MACROD2: variants seen among roughly 807,000 people sequenced by gnomAD.
MACROD2 encodes the protein mono-ADP ribosylhydrolase 2, also known as ADP-ribose glycohydrolase MACROD2.
MACROD2 carries 36 observed loss-of-function variants against 70.4 expected under a neutral mutation model. The ratio of observed to expected loss-of-function variants is 0.51; its 90% CI spans 0.39 to 0.68. The LOEUF is 0.68. MACROD2 is among the 30% of genes least tolerant of loss of function. The probability of loss-of-function intolerance (pLI) is 0.00; values close to 1 mark genes in which losing one functional copy is unlikely to be tolerated. For missense variants in MACROD2, 496 were observed against 538.4 expected (o/e 0.92, Z 0.78); for synonymous variants, 172 against 178.8 (o/e 0.96, Z 0.30).
chr20:15,469,578 AG>A (rs1285416136), intron 7 of MACROD2, among the ~76,000 whole-genome samples: 2 of 152,068 alleles, frequency 1.3e-5, no homozygotes, highest in Non-Finnish European at 2.9e-5. Context: ...GAAGCAGAGG[AG>A]GGGGAGAGAA....
At chr20:15,398,720 C>T (rs916075324) in intron 6 of MACROD2, among the ~76,000 whole-genome samples, 2 of 152,176 alleles carry the variant, frequency 1.3e-5, no homozygotes, top group Non-Finnish European at 2.9e-5. Flanking sequence ...GTTGTGGCTT[C>T]ATGGGGACAG....
intron 3 of MACROD2, among the ~76,000 whole-genome samples, chr20:14,368,801 G>C (rs1459332058): frequency 1.3e-5 from 2 of 152,020 alleles, no homozygotes; most frequent in Admixed American, 6.5e-5. Context: ...AGGCAACAGA[G>C]AAGAAACAAA....
At chr20:16,014,591 A>C (rs1346722885) in intron 15 of MACROD2, among the ~76,000 whole-genome samples, 1 of 152,198 alleles carries the variant, frequency 6.6e-6, no homozygotes, top group African/African-American at 2.4e-5. Flanking sequence ...TCTGATCACC[A>C]TCTGGGTTCA....
intron 7 of MACROD2, among the ~76,000 whole-genome samples, chr20:15,493,978 A>G (rs964219706): frequency 6.6e-5 from 10 of 152,244 alleles, no homozygotes; most frequent in Admixed American, 2.6e-4. Flanking sequence ...TTTTATTTAA[A>G]TTGTCTTGAT....
At chr20:14,568,503 G>T (rs1979957413) in intron 4 of MACROD2, among the ~76,000 whole-genome samples, 1 of 151,976 alleles carries the variant, frequency 6.6e-6, no homozygotes, top group South Asian at 2.1e-4. Flanking sequence ...TTGTGGTTTA[G>T]GGAGCAAGTG....
intron 3 of MACROD2, among the ~76,000 whole-genome samples, chr20:14,318,499 A>G (rs1467788784): frequency 6.6e-6 from 1 of 152,230 alleles, no homozygotes; most frequent in African/African-American, 2.4e-5. Flanking sequence ...CTGGAATCTT[A>G]TGATACTTGT....
intron 6 of MACROD2, among the ~76,000 whole-genome samples, chr20:15,260,183 G>A (rs1471782878): frequency 6.6e-6 from 1 of 151,374 alleles, no homozygotes. Context: ...TACAAATAAT[G>A]ATTGTTAATC....
Position 15,448,303 on chromosome 20 carries a change from A to G in MACROD2, c.571+16868A>G, listed in dbSNP as rs995303475. Among the ~76,000 whole-genome samples, 8 of 152,210 alleles carry G rather than the reference A, an allele frequency of 5.3e-5. No individual in the cohort carries two copies. The East Asian group carries it at 1.5e-3, about 29-fold the overall frequency. On this transcript the variant is annotated intron_variant, in intron 7 of 17. Transcript: ENST00000684519. ...TCTGCTGTTTGCATCCTCAGCCTGC[A>G]GAACTCTTACTGCCCATCTTCAGCT...
intron 5 of MACROD2, among the ~76,000 whole-genome samples, chr20:15,037,343 C>CT (rs1405802043): frequency 2.0e-4 from 31 of 152,282 alleles, no homozygotes; most frequent in Non-Finnish European, 1.3e-4. Context: ...AAAAGCCATA[C>CT]TTTTTTAAAT....
At chr20:14,568,754 T>C (rs1979974595) in intron 4 of MACROD2, among the ~76,000 whole-genome samples, 1 of 152,066 alleles carries the variant, frequency 6.6e-6, no homozygotes, top group Non-Finnish European at 1.5e-5. Flanking sequence ...GGAAATATTA[T>C]GCTTTGAAAA....
At chr20:14,130,160 T>C (rs886205713) in intron 3 of MACROD2, among the ~76,000 whole-genome samples, 2 of 152,338 alleles carry the variant, frequency 1.3e-5, no homozygotes, top group Non-Finnish European at 2.9e-5. Context: ...TACATTTTTA[T>C]GAATGGCTCT....
chr20:15,529,626 G>GA (rs150366478), intron 8 of MACROD2, among the ~76,000 whole-genome samples: 4 of 150,254 alleles, frequency 2.7e-5, no homozygotes, highest in East Asian at 1.9e-4. Context: ...TAAGTGAATT[G>GA]AAAAAAAAAT....
intron 5 of MACROD2, among the ~76,000 whole-genome samples, chr20:15,071,981 G>A (rs2075622502): frequency 6.6e-6 from 1 of 151,972 alleles, no homozygotes; most frequent in Non-Finnish European, 1.5e-5. Context: ...TTTTAAGGGG[G>A]AAATGTGTTT....
At chr20:14,230,669 CTATATATATATATATATA>C (rs71190120) in intron 3 of MACROD2, among the ~76,000 whole-genome samples, 2,114 of 92,910 alleles carry the variant, frequency 0.023, 219 homozygotes, top group South Asian at 0.061. Context: ...CAGGCTGGGC[CTATATATATATATATATA>C]TATATATATA....
chr20:16,036,360 C>A (rs2067236436), intron 15 of MACROD2, among the ~76,000 whole-genome samples: 1 of 151,862 alleles, frequency 6.6e-6, no homozygotes, highest in Non-Finnish European at 1.5e-5. Flanking sequence ...AGTATCTTTT[C>A]TTCTATGATG....
chr20:15,180,526 AG>A (rs1352267693), intron 5 of MACROD2, among the ~76,000 whole-genome samples: 2 of 152,344 alleles, frequency 1.3e-5, no homozygotes, highest in African/African-American at 4.8e-5. Context: ...GTTAGCCTGG[AG>A]GAATTTCTAG....
chr20:14,833,543 C>T (rs1156630616), intron 5 of MACROD2, among the ~76,000 whole-genome samples: 11 of 152,054 alleles, frequency 7.2e-5, no homozygotes, highest in East Asian at 1.9e-4. Flanking sequence ...TCATAAGAAA[C>T]GTAATTCTGG....
rs568874815 is a variant in MACROD2 at position 14,790,631 on chromosome 20, C to T, written c.418+105672C>T. Among the ~76,000 whole-genome samples the T allele has an allele frequency of 3.7e-4, 57 of 152,180 alleles. 1 individual carries two copies. The highest frequency in any genetic ancestry group is 1.4e-3 in the Admixed American group (22 of 15,286). ...GACATAATTGTATGTGTTTTGTGTG[C>T]TTGTAAAGTTACCTGTTATGCATCC... On this transcript the variant is annotated intron_variant, in intron 5 of 17. Coordinates refer to ENST00000684519, the MANE Select transcript of MACROD2 (RefSeq NM_001351661.2).
At chr20:14,026,040 CATAT>C in intron 2 of MACROD2, among the ~76,000 whole-genome samples, 1 of 152,138 alleles carries the variant, frequency 6.6e-6, no homozygotes, top group Non-Finnish European at 1.5e-5. Context: ...GTATTGGGTT[CATAT>C]ATATTTAGCA....
Sources: allele counts gnomAD v4.1 joint callset (sites outside exome capture counted in the v4.1 genomes callset), GRCh38; gene constraint gnomAD v4.1.1; transcripts MANE v1.5; gene names NCBI Gene and HGNC (gene_info 2026-07-23, HGNC 2026-07-21).